The following FLACC1 variants were observed in gnomAD, a reference collection of about 807,000 sequenced individuals.
FLACC1 encodes the protein flagellum-associated coiled-coil domain-containing protein 1.
Under a neutral mutation model 62.8 loss-of-function variants are expected in FLACC1, and 66 were observed. The observed-to-expected ratio is 1.05, with a 90% CI of 0.86 to 1.29. The LOEUF is 1.29. Among genes scored for constraint, FLACC1 ranks in the 50% most tolerant of loss-of-function variants. FLACC1 has a pLI of 0.00. For missense variants in FLACC1, 452 were observed against 489.1 expected (o/e 0.92, Z 0.71); for synonymous variants, 156 against 161.0 (o/e 0.97, Z 0.24).
intron 11 of FLACC1, among the ~76,000 whole-genome samples, chr2:201,301,769 G>A (rs562899704): frequency 2.6e-5 from 4 of 152,292 alleles, no homozygotes; most frequent in Non-Finnish European, 4.4e-5. Flanking sequence ...GAAGAGAGTG[G>A]GGGCCAATAT....
At chr2:201,308,047 A>G (rs1027143732) in intron 10 of FLACC1, among the ~76,000 whole-genome samples, 7 of 152,220 alleles carry the variant, frequency 4.6e-5, no homozygotes, top group Non-Finnish European at 7.3e-5. Flanking sequence ...TTTCCTGGGC[A>G]GGAAACCTGC....
chr2:201,350,349 C>A (rs551994736), intron 3 of FLACC1, among the ~76,000 whole-genome samples: 2 of 152,138 alleles, frequency 1.3e-5, no homozygotes, highest in Admixed American at 1.3e-4. Flanking sequence ...GGCACCACTG[C>A]GCTCCAGCCT....
chr2:201,293,113 C>T lies in FLACC1; in HGVS notation c.943-3328G>A, dbSNP rs561796008. Among the ~76,000 whole-genome samples the T allele has an allele frequency of 5.3e-4, 80 of 152,196 alleles. No individual in the cohort carries two copies. The Middle Eastern group carries it at 0.014, about 26-fold the overall frequency. The stretch of plus-strand genomic sequence containing the variant: ...CCACTGTCAACATTAGACAGCTCCA[C>T]GAGACAGAAAGTTAACAAGGATATC... On this transcript the variant is annotated intron_variant, in intron 12 of 14. Transcript: ENST00000392257.
chr2:201,358,182 G>T (rs907609864), upstream of FLACC1, among the ~76,000 whole-genome samples: 2 of 152,156 alleles, frequency 1.3e-5, no homozygotes, highest in Non-Finnish European at 2.9e-5. Context: ...ACAACTTAGA[G>T]ACCAATGAGA....
At chr2:201,343,375 G>C (rs1372579329) in intron 6 of FLACC1, among the ~76,000 whole-genome samples, 1 of 152,118 alleles carries the variant, frequency 6.6e-6, no homozygotes, top group Non-Finnish European at 1.5e-5. Flanking sequence ...TTCTATAGAA[G>C]GAGACCATAA....
At chr2:201,353,057 T>C (rs1368657080) in intron 1 of FLACC1, among the ~76,000 whole-genome samples, 2 of 152,230 alleles carry the variant, frequency 1.3e-5, no homozygotes, top group African/African-American at 4.8e-5. Context: ...AATTGTAAGA[T>C]TGTTGCTTGA....
chr2:201,289,697 T>G lies in FLACC1; in HGVS notation c.1031A>C (p.Glu344Ala). The change falls in exon 13 of 15, where the codon GAG becomes GCG. Residue 344 changes from glutamate to alanine, a missense_variant and splice_region_variant. Physicochemically the swap from Glu to Ala is moderately radical, Grantham distance 107. This residue lies in a region of FLACC1 where 301 missense variants were observed against 318.4 expected (regional missense o/e 0.95). Coordinates refer to ENST00000392257, the MANE Select transcript of FLACC1 (RefSeq NM_001127391.3). ...LYYTQLELQK[E>A]KAIVGNLEKM... is the part of the protein sequence containing the mutation. ...ATCCCCACTCCAGTAGGGACTCACCTCTTTCTGGAGTTCCAACTGGGTATA... is the reference window on the plus strand; with the variant it reads ...ATCCCCACTCCAGTAGGGACTCACCGCTTTCTGGAGTTCCAACTGGGTATA... 1.2e-6 allele frequency: 2 copies of G among 1,613,690 alleles called. No homozygotes were observed. Among genetic ancestry groups the G allele is most frequent in the Non-Finnish European group, 1.7e-6 (2 of 1,179,760 alleles).
At chr2:201,324,189 A>G (rs1025091572) in intron 9 of FLACC1, among the ~76,000 whole-genome samples, 1 of 152,210 alleles carries the variant, frequency 6.6e-6, no homozygotes, top group African/African-American at 2.4e-5. Flanking sequence ...ATGGACACCA[A>G]AAGCAAGCAG....
intron 5 of FLACC1, among the ~76,000 whole-genome samples, chr2:201,345,593 T>C (rs899715130): frequency 1.3e-5 from 2 of 151,964 alleles, no homozygotes; most frequent in African/African-American, 4.8e-5. Flanking sequence ...AGCCATTCAG[T>C]AGTGCAGTTA....
intron 11 of FLACC1, among the ~76,000 whole-genome samples, chr2:201,303,177 C>T (rs894464594): frequency 2.7e-4 from 41 of 151,672 alleles, no homozygotes; most frequent in East Asian, 9.6e-4. Flanking sequence ...ATTGATAGAC[C>T]GCTAGCAAGA....
Position 201,355,149 on chromosome 2 carries a change from G to T in FLACC1, c.-48+1833C>A, listed in dbSNP as rs1382979161. Reference sequence around the variant, plus strand: ...AAAACACAAAAATTAGCCAGGCATGGTGGCACATGCCTGTAATCCCAGCTA... The same window carrying T: ...AAAACACAAAAATTAGCCAGGCATGTTGGCACATGCCTGTAATCCCAGCTA... On this transcript the variant is annotated intron_variant, in intron 1 of 14. Transcript: ENST00000392257. 2.0e-5 allele frequency among the ~76,000 whole-genome samples: 3 copies of T among 152,078 alleles called. No individual in the cohort carries two copies. The South Asian group carries it at 6.2e-4, about 31-fold the overall frequency.
intron 12 of FLACC1, among the ~76,000 whole-genome samples, chr2:201,294,423 C>T (rs956765823): frequency 6.6e-6 from 1 of 152,196 alleles, no homozygotes; most frequent in African/African-American, 2.4e-5. Flanking sequence ...ACAAAAACCA[C>T]ATGATTATCT....
chr2:201,302,193 G>A lies in FLACC1; in HGVS notation c.880-2893C>T, dbSNP rs534634102. 1.2e-3 allele frequency among the ~76,000 whole-genome samples: 181 copies of A among 152,226 alleles called. 1 individual carries two copies. Among genetic ancestry groups the A allele is most frequent in the Admixed American group, 3.3e-3 (51 of 15,282 alleles). On this transcript the variant is annotated intron_variant, in intron 11 of 14. Transcript: ENST00000392257. ...GCTGTATGCAGGAGACCCATCTCACGTGCAGAGACACACAGAGGCTCAAAA... is the reference window on the plus strand; with the variant it reads ...GCTGTATGCAGGAGACCCATCTCACATGCAGAGACACACAGAGGCTCAAAA...
At chr2:201,307,676 C>T in intron 10 of FLACC1, 54 bp from the exon 11 acceptor site, 3 of 1,243,920 alleles carry the variant, frequency 2.4e-6, no homozygotes, top group Non-Finnish European at 3.5e-6. Flanking sequence ...AAAGCAGGTG[C>T]AATGAGAAAC....
chr2:201,345,451 T>A (rs1468643614), intron 5 of FLACC1, among the ~76,000 whole-genome samples: 2 of 63,920 alleles, frequency 3.1e-5, no homozygotes, highest in African/African-American at 2.1e-4. Context: ...GGTAGATGAT[T>A]GTGTGTGTGT....
intron 9 of FLACC1, among the ~76,000 whole-genome samples, chr2:201,320,383 G>C (rs2125580112): frequency 6.6e-6 from 1 of 152,338 alleles, no homozygotes; most frequent in Non-Finnish European, 1.5e-5. Flanking sequence ...GACAGGGAGG[G>C]GCTTGGCCTG....
At chr2:201,329,502 A>G (rs145889395) in intron 9 of FLACC1, among the ~76,000 whole-genome samples, 3 of 152,246 alleles carry the variant, frequency 2.0e-5, no homozygotes, top group Non-Finnish European at 4.4e-5. Flanking sequence ...TTGTATGTTA[A>G]TCACAGACAA....
chr2:201,317,329 C>T (rs1950325274), intron 9 of FLACC1, among the ~76,000 whole-genome samples: 1 of 152,184 alleles, frequency 6.6e-6, no homozygotes, highest in Non-Finnish European at 1.5e-5. Context: ...GCTCCTAGAA[C>T]TGATAAAAGA....
rs540556271 is a variant in FLACC1 at position 201,356,449 on chromosome 2, C to T, written c.-48+533G>A. Among the ~76,000 whole-genome samples the T allele has an allele frequency of 1.5e-4, 23 of 152,290 alleles. No homozygotes were observed. In the South Asian group the frequency reaches 2.5e-3, roughly 16 times the overall value. Reference sequence around the variant, plus strand: ...TGCTGGGATTACAGGTGTGAGCTACCGTGCCCTGCCTATATGGCAGTATTT... The same window carrying T: ...TGCTGGGATTACAGGTGTGAGCTACTGTGCCCTGCCTATATGGCAGTATTT... On this transcript the variant is annotated intron_variant, in intron 1 of 14. Coordinates refer to ENST00000392257, the MANE Select transcript of FLACC1 (RefSeq NM_001127391.3).
Sources: allele counts gnomAD v4.1 joint callset (sites outside exome capture counted in the v4.1 genomes callset), GRCh38; gene constraint gnomAD v4.1.1; regional missense constraint gnomAD v4.1.1; transcripts MANE v1.5; gene names NCBI Gene and HGNC (gene_info 2026-07-23, HGNC 2026-07-21).